Variants in TRABD2B observed in about 807,000 individuals in gnomAD.
TRABD2B encodes the protein TraB domain containing 2B.
A neutral mutation model predicts 40.1 loss-of-function variants in TRABD2B; 14 were observed. The observed-to-expected ratio is 0.35, with a 90% CI of 0.23 to 0.55. The LOEUF is 0.55. TRABD2B is among the 20% of genes least tolerant of loss of function. TRABD2B has a pLI of 0.90. For missense variants in TRABD2B, 541 were observed against 648.6 expected, an observed-to-expected ratio of 0.83 and a Z score of 1.80; for synonymous variants, 263 against 277.0, an observed-to-expected ratio of 0.95 and a Z score of 0.50.
At chr1:47,937,189 T>C (rs1274974847) in intron 2 of TRABD2B, among the ~76,000 whole-genome samples, 1 of 146,632 alleles carries the variant, frequency 6.8e-6, no homozygotes, top group African/African-American at 2.6e-5. Flanking sequence ...ATTATCATCA[T>C]TATCACCATC....
At chr1:47,786,177 G>A (rs185461470) in intron 4 of TRABD2B, among the ~76,000 whole-genome samples, 1 of 152,360 alleles carries the variant, frequency 6.6e-6, no homozygotes, top group East Asian at 1.9e-4. Flanking sequence ...GAGAAGTGAA[G>A]CAACTGATCT....
intron 2 of TRABD2B, among the ~76,000 whole-genome samples, chr1:47,886,732 G>A (rs1478746084): frequency 3.3e-5 from 5 of 152,122 alleles, no homozygotes; most frequent in African/African-American, 1.2e-4. Context: ...CCTGTGTTAG[G>A]GGCTAGGGAC....
intron 2 of TRABD2B, among the ~76,000 whole-genome samples, chr1:47,838,469 G>A (rs1645348791): frequency 6.6e-6 from 1 of 152,290 alleles, no homozygotes. Flanking sequence ...GGCTCTGTGA[G>A]GCTCTGAGTC....
At chr1:47,887,182 C>T (rs1644382130) in intron 2 of TRABD2B, among the ~76,000 whole-genome samples, 1 of 152,166 alleles carries the variant, frequency 6.6e-6, no homozygotes, top group African/African-American at 2.4e-5. Context: ...ACACAATCCG[C>T]TCAACAATCA....
intron 2 of TRABD2B, among the ~76,000 whole-genome samples, chr1:47,933,033 A>T (rs1645059765): frequency 1.3e-5 from 2 of 152,110 alleles, no homozygotes; most frequent in South Asian, 4.2e-4. Context: ...AGTGGCAATG[A>T]GCAGACCAGG....
At chr1:47,960,426 T>C (rs1321711300) in intron 2 of TRABD2B, among the ~76,000 whole-genome samples, 2 of 152,180 alleles carry the variant, frequency 1.3e-5, no homozygotes, top group African/African-American at 2.4e-5. Flanking sequence ...AGTCAAATTG[T>C]CCATGTTTGC....
chr1:47,799,686 A>G (rs1644794245), intron 3 of TRABD2B, among the ~76,000 whole-genome samples: 1 of 152,048 alleles, frequency 6.6e-6, no homozygotes, highest in African/African-American at 2.4e-5. Context: ...TCTGCAGGCT[A>G]TACTCTCAGC....
chr1:47,931,170 T>C (rs1645035147), intron 2 of TRABD2B, among the ~76,000 whole-genome samples: 1 of 152,202 alleles, frequency 6.6e-6, no homozygotes, highest in Non-Finnish European at 1.5e-5. Flanking sequence ...GAATGAATGA[T>C]TATGTGTAGA....
chr1:47,912,216 ACTAAT>A (rs1442296830), intron 2 of TRABD2B, among the ~76,000 whole-genome samples: 3 of 152,206 alleles, frequency 2.0e-5, no homozygotes, highest in African/African-American at 7.2e-5. Flanking sequence ...CAAGATATAA[ACTAAT>A]CTATTTAGTT....
At chr1:47,864,512 T>C (rs1162727846) in intron 2 of TRABD2B, among the ~76,000 whole-genome samples, 3 of 152,194 alleles carry the variant, frequency 2.0e-5, no homozygotes, top group Non-Finnish European at 2.9e-5. Context: ...TGAGAAACTT[T>C]AGTCTACACT....
rs545973023 is a variant in TRABD2B at position 47,836,764 on chromosome 1, CAA to C, written c.667-35147_667-35146del. Reference sequence around the variant, plus strand: ...CCCTCATGAATGAGATTAGTACTTACAAAAGAGACCCCAGAGAGGTCCTTTGC... The same window carrying C: ...CCCTCATGAATGAGATTAGTACTTACAAGAGACCCCAGAGAGGTCCTTTGC... On this transcript the variant is annotated intron_variant, in intron 2 of 6. Coordinates refer to ENST00000606738, the MANE Select transcript of TRABD2B (RefSeq NM_001194986.2). Among the ~76,000 whole-genome samples, 59 of 152,322 alleles carry C rather than the reference CAA, an allele frequency of 3.9e-4. 1 individual carries two copies. In the South Asian group the frequency reaches 6.6e-3, roughly 17 times the overall value.
intron 2 of TRABD2B, among the ~76,000 whole-genome samples, chr1:47,878,548 C>T (rs190489269): frequency 5.3e-4 from 81 of 152,270 alleles, no homozygotes; most frequent in Non-Finnish European, 5.9e-5. Flanking sequence ...ACATCATTCT[C>T]TCCTTAATGA....
intron 2 of TRABD2B, among the ~76,000 whole-genome samples, chr1:47,903,144 G>C (rs1222308138): frequency 1.3e-5 from 2 of 152,154 alleles, no homozygotes; most frequent in African/African-American, 4.8e-5. Context: ...CACTCACTGT[G>C]CACAGTGTTG....
At chr1:47,851,664 C>T (rs1465970276) in intron 2 of TRABD2B, among the ~76,000 whole-genome samples, 1 of 152,194 alleles carries the variant, frequency 6.6e-6, no homozygotes, top group Non-Finnish European at 1.5e-5. Flanking sequence ...TCCCAAGCCA[C>T]AATGGGAGTG....
At chr1:47,853,128 G>A (rs1643846842) in intron 2 of TRABD2B, among the ~76,000 whole-genome samples, 2 of 152,144 alleles carry the variant, frequency 1.3e-5, no homozygotes, top group South Asian at 2.1e-4. Flanking sequence ...TACCCTGAAC[G>A]GGGGCTTGGT....
intron 2 of TRABD2B, among the ~76,000 whole-genome samples, chr1:47,886,777 G>A (rs1429693141): frequency 6.6e-6 from 1 of 152,164 alleles, no homozygotes; most frequent in Non-Finnish European, 1.5e-5. Flanking sequence ...TGGTCTAGGG[G>A]GAATTTTAAC....
intron 4 of TRABD2B, among the ~76,000 whole-genome samples, chr1:47,787,158 T>C (rs1340914028): frequency 3.3e-5 from 5 of 152,202 alleles, no homozygotes; most frequent in African/African-American, 1.2e-4. Context: ...CTGAGGACTA[T>C]GGAGATGATG....
intron 4 of TRABD2B, among the ~76,000 whole-genome samples, chr1:47,787,861 C>A (rs1644617768): frequency 6.6e-6 from 1 of 152,088 alleles, no homozygotes; most frequent in Non-Finnish European, 1.5e-5. Flanking sequence ...AGACTGGGAG[C>A]ATGAGAGAGG....
intron 2 of TRABD2B, among the ~76,000 whole-genome samples, chr1:47,833,478 G>A (rs1487982504): frequency 2.6e-5 from 4 of 152,224 alleles, no homozygotes; most frequent in Admixed American, 6.5e-5. Flanking sequence ...AGATCTGGCT[G>A]GGGAATGATC....
Sources: allele counts gnomAD v4.1 joint callset (sites outside exome capture counted in the v4.1 genomes callset), GRCh38; gene constraint gnomAD v4.1.1; transcripts MANE v1.5; gene names NCBI Gene and HGNC (gene_info 2026-07-23, HGNC 2026-07-21).